Variants in ADAMTSL1 observed in about 807,000 individuals in gnomAD.
ADAMTSL1 encodes ADAMTS like 1.
A neutral mutation model predicts 201.8 loss-of-function variants in ADAMTSL1; 126 were observed. The observed-to-expected ratio is 0.62, with a 90% CI of 0.54 to 0.72. ADAMTSL1 has a LOEUF of 0.72. Among genes scored for constraint, ADAMTSL1 ranks in the 30% least tolerant of loss-of-function variants. ADAMTSL1 has a pLI of 0.00. For missense variants in ADAMTSL1, 2,679 were observed against 2,277.8 expected, an observed-to-expected ratio of 1.18 and a Z score of -3.59; for synonymous variants, 1,121 against 903.4, an observed-to-expected ratio of 1.24 and a Z score of -4.32.
chr9:18,839,963 A>G (rs1482866357), intron 23 of ADAMTSL1, among the ~76,000 whole-genome samples: 1 of 149,462 alleles, frequency 6.7e-6, no homozygotes, highest in African/African-American at 2.5e-5. Context: ...AGGTTGCGAA[A>G]ATTTTCTCCC....
At chr9:18,346,013 T>C (rs1281880127) in intron 2 of ADAMTSL1, among the ~76,000 whole-genome samples, 2 of 152,148 alleles carry the variant, frequency 1.3e-5, no homozygotes, top group Non-Finnish European at 2.9e-5. Context: ...GACTCTCTGG[T>C]CCTGCTCTGT....
chr9:18,141,987 T>A (rs1187853024), intron 1 of ADAMTSL1, among the ~76,000 whole-genome samples: 1 of 152,150 alleles, frequency 6.6e-6, no homozygotes, highest in Non-Finnish European at 1.5e-5. Context: ...AAACTTTACA[T>A]CTGTATCACC....
intron 7 of ADAMTSL1, among the ~76,000 whole-genome samples, chr9:18,645,283 T>C (rs1795118459): frequency 6.6e-6 from 1 of 152,244 alleles, no homozygotes; most frequent in African/African-American, 2.4e-5. Flanking sequence ...AGATTCTGGA[T>C]ATTAGCCCTT....
At chr9:18,660,388 A>T (rs937242380) in intron 8 of ADAMTSL1, among the ~76,000 whole-genome samples, 1 of 152,138 alleles carries the variant, frequency 6.6e-6, no homozygotes, top group African/African-American at 2.4e-5. Context: ...ACCTTATAAA[A>T]CTTTAGAAAA....
intron 2 of ADAMTSL1, among the ~76,000 whole-genome samples, chr9:18,174,590 T>G (rs183505151): frequency 8.4e-4 from 128 of 152,326 alleles, no homozygotes; most frequent in Non-Finnish European, 1.6e-3. Flanking sequence ...TTTAAAATTT[T>G]CTAATATGGA....
chr9:18,541,338 C>T (rs1303124369), intron 3 of ADAMTSL1, among the ~76,000 whole-genome samples: 3 of 151,960 alleles, frequency 2.0e-5, no homozygotes, highest in Non-Finnish European at 4.4e-5. Context: ...GGTGAAACAC[C>T]GTCTCTACTA....
At chr9:18,213,639 A>G (rs550602150) in intron 2 of ADAMTSL1, among the ~76,000 whole-genome samples, 3 of 152,316 alleles carry the variant, frequency 2.0e-5, no homozygotes, top group Middle Eastern at 3.4e-3. Flanking sequence ...TCTTTGATAT[A>G]TCTCTATAGG....
chr9:18,606,412 G>A (rs1190515956), intron 4 of ADAMTSL1, among the ~76,000 whole-genome samples: 2 of 152,064 alleles, frequency 1.3e-5, no homozygotes, highest in African/African-American at 4.8e-5. Context: ...AGATGTAGTG[G>A]GCTAGGTTTT....
At chr9:18,431,668 C>T (rs1373755070) in intron 2 of ADAMTSL1, among the ~76,000 whole-genome samples, 1 of 152,076 alleles carries the variant, frequency 6.6e-6, no homozygotes, top group Non-Finnish European at 1.5e-5. Context: ...CACCTTCTTC[C>T]ACCTTGATAA....
At chr9:18,571,465 G>A (rs973556573) in intron 3 of ADAMTSL1, among the ~76,000 whole-genome samples, 5 of 152,284 alleles carry the variant, frequency 3.3e-5, no homozygotes, top group African/African-American at 2.4e-5. Context: ...TACTTCTTCT[G>A]TACTTGTACT....
chr9:18,325,084 C>T (rs1586897578), intron 2 of ADAMTSL1, among the ~76,000 whole-genome samples: 2 of 152,274 alleles, frequency 1.3e-5, no homozygotes, highest in Non-Finnish European at 2.9e-5. Context: ...AGAATACTGA[C>T]ATCACTAAGT....
intron 22 of ADAMTSL1, 57 bp from the exon 23 acceptor site, chr9:18,829,786 T>A (rs1023077473): frequency 1.2e-6 from 2 of 1,607,350 alleles, no homozygotes; most frequent in Admixed American, 3.3e-5. Flanking sequence ...CTCTTCCTCT[T>A]GCCTTGACAC....
chr9:18,817,533 C>T (rs1823939488), intron 21 of ADAMTSL1, among the ~76,000 whole-genome samples: 2 of 151,984 alleles, frequency 1.3e-5, no homozygotes, highest in South Asian at 4.2e-4. Flanking sequence ...CAAGGAGTTC[C>T]AAGTGGACAC....
At chr9:18,007,041 C>G (rs1052425028) in intron 1 of ADAMTSL1, among the ~76,000 whole-genome samples, 4 of 152,006 alleles carry the variant, frequency 2.6e-5, no homozygotes, top group African/African-American at 9.7e-5. Flanking sequence ...AGAAATTCCC[C>G]ATTTTCAAAT....
At chr9:18,202,605 G>A (rs1239739992) in intron 2 of ADAMTSL1, among the ~76,000 whole-genome samples, 1 of 152,188 alleles carries the variant, frequency 6.6e-6, no homozygotes, top group East Asian at 1.9e-4. Context: ...CAAGAGCCAC[G>A]TGAAGGCTTC....
chr9:18,285,337 C>A (rs1832952209), intron 2 of ADAMTSL1, among the ~76,000 whole-genome samples: 1 of 152,028 alleles, frequency 6.6e-6, no homozygotes, highest in Non-Finnish European at 1.5e-5. Context: ...ATATGACCCT[C>A]TGAAATACAT....
At chr9:18,285,658 G>A (rs1832964439) in intron 2 of ADAMTSL1, among the ~76,000 whole-genome samples, 1 of 151,760 alleles carries the variant, frequency 6.6e-6, no homozygotes, top group Admixed American at 6.6e-5. Context: ...TTGTCATCAT[G>A]TTATCCTAGT....
chr9:18,236,309 C>T (rs969964408), intron 2 of ADAMTSL1, among the ~76,000 whole-genome samples: 16 of 152,226 alleles, frequency 1.1e-4, no homozygotes, highest in Admixed American at 7.2e-4. Context: ...TGCCTGACCC[C>T]GTGAACCACC....
In ADAMTSL1 at chr9:18,385,373, A is replaced by G. The variant is rs1352003252; in HGVS notation, c.208-119456A>G. 5.3e-5 allele frequency among the ~76,000 whole-genome samples: 8 copies of G among 152,078 alleles called. No homozygotes were observed. In the South Asian group the frequency reaches 1.7e-3, roughly 32 times the overall value. ...GGGTAGGGGTGGTGTTACTCATTCT[A>G]TGGTTAAATGAATGAAGTGTCTCCA... On this transcript the variant is annotated intron_variant, in intron 2 of 29. Transcript: ENST00000680146.
Sources: allele counts gnomAD v4.1 joint callset (sites outside exome capture counted in the v4.1 genomes callset), GRCh38; gene constraint gnomAD v4.1.1; transcripts MANE v1.5; gene names NCBI Gene and HGNC (gene_info 2026-07-23, HGNC 2026-07-21).